Variants in TRHDE observed in about 807,000 individuals in gnomAD.
The protein encoded by TRHDE is thyrotropin releasing hormone degrading enzyme, also known as thyrotropin-releasing hormone-degrading ectoenzyme.
Under a neutral mutation model 125.7 loss-of-function variants are expected in TRHDE, and 72 were observed. The observed-to-expected ratio is 0.57, with a 90% CI of 0.47 to 0.70. The LOEUF (loss-of-function observed/expected upper bound fraction) is 0.70. Ranked by LOEUF, TRHDE falls within the 30% of genes least tolerant of loss-of-function variation. The probability of loss-of-function intolerance (pLI) is 0.00; values close to 1 mark genes in which losing one functional copy is unlikely to be tolerated. For synonymous variants in TRHDE, 509 were observed against 509.1 expected, an observed-to-expected ratio of 1.00 and a Z score of 0.00; for missense variants, 1,110 against 1,327.1, an observed-to-expected ratio of 0.84 and a Z score of 2.54.
intron 2 of TRHDE, among the ~76,000 whole-genome samples, chr12:72,231,920 A>G (rs1878254338): frequency 6.6e-6 from 1 of 152,216 alleles, no homozygotes; most frequent in South Asian, 2.1e-4. Context: ...TAGTTACAGC[A>G]GACCCAAGAC....
At chr12:72,426,807 A>C (rs574371802) in intron 3 of TRHDE, among the ~76,000 whole-genome samples, 1 of 152,038 alleles carries the variant, frequency 6.6e-6, no homozygotes, top group South Asian at 2.1e-4. Context: ...GGTAAAAAAC[A>C]TCCTTTAGTA....
intron 2 of TRHDE, among the ~76,000 whole-genome samples, chr12:72,152,717 G>C (rs546291603): frequency 2.0e-5 from 3 of 152,162 alleles, no homozygotes; most frequent in Non-Finnish European, 4.4e-5. Context: ...TGCATATGTT[G>C]AACCAGCCTT....
intron 1 of TRHDE, among the ~76,000 whole-genome samples, chr12:72,105,084 T>G (rs1053273215): frequency 2.0e-5 from 3 of 152,196 alleles, no homozygotes; most frequent in Middle Eastern, 3.2e-3. Context: ...GAGAGTCAGA[T>G]AGCCAAGGAA....
intron 6 of TRHDE, among the ~76,000 whole-genome samples, chr12:72,503,614 T>C (rs942933120): frequency 6.6e-6 from 1 of 152,224 alleles, no homozygotes; most frequent in African/African-American, 2.4e-5. Flanking sequence ...AAATTTGATA[T>C]GTAGTATTAA....
At chr12:72,405,734 G>A (rs1368874055) in intron 3 of TRHDE, among the ~76,000 whole-genome samples, 1 of 152,162 alleles carries the variant, frequency 6.6e-6, no homozygotes, top group Non-Finnish European at 1.5e-5. Context: ...GAAAATGCTT[G>A]TTCAGTGTAA....
chr12:72,420,323 C>G lies in TRHDE; in HGVS notation c.1315+42202C>G, dbSNP rs192349566. Among the ~76,000 whole-genome samples, 338 of 152,278 alleles carry G rather than the reference C, an allele frequency of 2.2e-3. 1 individual carries two copies. Among genetic ancestry groups the G allele is most frequent in the Non-Finnish European group, 3.2e-3 (217 of 68,022 alleles). On this transcript the variant is annotated intron_variant, in intron 3 of 18. Transcript: ENST00000261180. ...TCTTAATTCTTTATCTTAGCAGCAA[C>G]TCCTGGTATTCTGATTTTCATAGAA... is the stretch of plus-strand genomic sequence containing the variant.
chr12:72,486,382 C>A (rs1222825051), intron 5 of TRHDE, among the ~76,000 whole-genome samples: 2 of 152,132 alleles, frequency 1.3e-5, no homozygotes, highest in African/African-American at 4.8e-5. Flanking sequence ...TGCCTGTGGG[C>A]CATGTCAGAC....
intron 2 of TRHDE, among the ~76,000 whole-genome samples, chr12:72,224,122 C>A (rs145522601): frequency 2.7e-5 from 2 of 74,650 alleles, no homozygotes; most frequent in African/African-American, 1.0e-4. Flanking sequence ...ATCTATCTAT[C>A]TATCTATCTA....
At chr12:72,397,174 A>G (rs1276172704) in intron 3 of TRHDE, among the ~76,000 whole-genome samples, 1 of 152,226 alleles carries the variant, frequency 6.6e-6, no homozygotes, top group Non-Finnish European at 1.5e-5. Context: ...TGTAAAACAG[A>G]ATCAGAGTCA....
chr12:72,150,126 A>G (rs1876324439), intron 2 of TRHDE, among the ~76,000 whole-genome samples: 1 of 152,196 alleles, frequency 6.6e-6, no homozygotes, highest in Non-Finnish European at 1.5e-5. Context: ...CTTAAATACT[A>G]GAAGGGAAGT....
At chr12:72,408,726 C>G (rs902242885) in intron 3 of TRHDE, among the ~76,000 whole-genome samples, 4 of 151,982 alleles carry the variant, frequency 2.6e-5, no homozygotes, top group African/African-American at 7.3e-5. Context: ...CAAACTTTTA[C>G]AAAAGAGAAA....
At chr12:72,219,349 A>G (rs1877958201) in intron 2 of TRHDE, among the ~76,000 whole-genome samples, 1 of 152,120 alleles carries the variant, frequency 6.6e-6, no homozygotes, top group African/African-American at 2.4e-5. Context: ...TTTTGTGCCC[A>G]TCACTGTCTT....
intron 2 of TRHDE, among the ~76,000 whole-genome samples, chr12:72,111,361 G>A (rs1407373211): frequency 6.6e-6 from 1 of 152,046 alleles, no homozygotes; most frequent in Non-Finnish European, 1.5e-5. Context: ...TTTCTACTCA[G>A]TTTCTCATAC....
chr12:72,254,729 TCAAA>T (rs1025226054), intron 2 of TRHDE: 1 of 152,190 alleles, frequency 6.6e-6, no homozygotes, highest in African/African-American at 2.4e-5. Context: ...TTGCCTGATC[TCAAA>T]CAAAGACCCA....
chr12:72,474,587 G>A (rs895783278), intron 5 of TRHDE, among the ~76,000 whole-genome samples: 9 of 152,066 alleles, frequency 5.9e-5, no homozygotes, highest in African/African-American at 2.2e-4. Flanking sequence ...GTTACAAATG[G>A]CAGAATTTCT....
At chr12:72,409,270 G>T (rs898031990) in intron 3 of TRHDE, among the ~76,000 whole-genome samples, 22 of 152,138 alleles carry the variant, frequency 1.4e-4, no homozygotes, top group African/African-American at 5.3e-4. Flanking sequence ...TAAGGGAATT[G>T]CATACCCAGG....
chr12:72,573,497 AT>A (rs1870842865), intron 10 of TRHDE, among the ~76,000 whole-genome samples: 1 of 151,900 alleles, frequency 6.6e-6, no homozygotes, highest in Non-Finnish European at 1.5e-5. Context: ...GTCTTCTTCC[AT>A]TGAATCATAG....
At chr12:72,653,459 A>C (rs1467129654) in intron 17 of TRHDE, among the ~76,000 whole-genome samples, 1 of 152,106 alleles carries the variant, frequency 6.6e-6, no homozygotes, top group Non-Finnish European at 1.5e-5. Flanking sequence ...TGTATCATAA[A>C]ACCCCTGTAT....
At chr12:72,657,329 A>C (rs1043048112) in intron 18 of TRHDE, among the ~76,000 whole-genome samples, 4 of 152,140 alleles carry the variant, frequency 2.6e-5, no homozygotes, top group Admixed American at 6.6e-5. Flanking sequence ...GATTCACTAA[A>C]TAACAAAACC....
Sources: allele counts gnomAD v4.1 joint callset (sites outside exome capture counted in the v4.1 genomes callset), GRCh38; gene constraint gnomAD v4.1.1; transcripts MANE v1.5; gene names NCBI Gene and HGNC (gene_info 2026-07-23, HGNC 2026-07-21).